CAMK1D: variants seen among roughly 807,000 people sequenced by gnomAD.
The protein encoded by CAMK1D is calcium/calmodulin-dependent protein kinase type 1D.
Under a neutral mutation model 47.7 loss-of-function variants are expected in CAMK1D, and 9 were observed. The ratio of observed to expected loss-of-function variants is 0.19; its 90% CI spans 0.11 to 0.33. The LOEUF (loss-of-function observed/expected upper bound fraction) is 0.33, where lower values mean the gene tolerates loss of function less well. CAMK1D is among the 10% of genes least tolerant of loss of function. CAMK1D has a pLI of 1.00. For missense variants in CAMK1D, 291 were observed against 488.7 expected (o/e 0.60, Z 3.81); for synonymous variants, 184 against 184.9 (o/e 0.99, Z 0.04).
chr10:12,525,517 AT>A (rs1225992726), intron 1 of CAMK1D, among the ~76,000 whole-genome samples: 1 of 152,088 alleles, frequency 6.6e-6, no homozygotes, highest in Non-Finnish European at 1.5e-5. Context: ...CATCTAGTGA[AT>A]TTTTAAAAAA....
chr10:12,707,831 C>T (rs919805675), intron 3 of CAMK1D, among the ~76,000 whole-genome samples: 44 of 152,316 alleles, frequency 2.9e-4, no homozygotes, highest in Middle Eastern at 3.4e-3. Flanking sequence ...TCAGAGCCTA[C>T]GTTCATAGCT....
intron 1 of CAMK1D, among the ~76,000 whole-genome samples, chr10:12,534,565 C>A (rs1835909566): frequency 6.6e-6 from 1 of 152,218 alleles, no homozygotes; most frequent in South Asian, 2.1e-4. Flanking sequence ...TGGGCTTTCA[C>A]CATGCTGGCC....
At chr10:12,689,033 A>T (rs1203830598) in intron 3 of CAMK1D, among the ~76,000 whole-genome samples, 1 of 152,230 alleles carries the variant, frequency 6.6e-6, no homozygotes, top group Non-Finnish European at 1.5e-5. Context: ...GGGAGAAAAT[A>T]TTAAGTTCCC....
chr10:12,741,879 T>A (rs1299760058), intron 3 of CAMK1D, among the ~76,000 whole-genome samples: 1 of 152,096 alleles, frequency 6.6e-6, no homozygotes, highest in African/African-American at 2.4e-5. Context: ...GGATGGACAT[T>A]TACATCCTCT....
chr10:12,673,631 G>T (rs1014078662), intron 3 of CAMK1D, among the ~76,000 whole-genome samples: 8 of 152,112 alleles, frequency 5.3e-5, no homozygotes, highest in Non-Finnish European at 1.2e-4. Flanking sequence ...AACTTTGATA[G>T]TTTAGTTCTA....
chr10:12,690,537 C>T (rs1832837156), intron 3 of CAMK1D, among the ~76,000 whole-genome samples: 1 of 152,130 alleles, frequency 6.6e-6, no homozygotes, highest in Admixed American at 6.5e-5. Context: ...ATATATGTAA[C>T]ACACATCTCA....
At chr10:12,793,086 A>T (rs2482038) in intron 6 of CAMK1D, among the ~76,000 whole-genome samples, 36 of 151,618 alleles carry the variant, frequency 2.4e-4, no homozygotes, top group Non-Finnish European at 2.8e-4. Flanking sequence ...CTGGCTCTCT[A>T]AGTCCTCAAT....
intron 1 of CAMK1D, among the ~76,000 whole-genome samples, chr10:12,429,883 A>T (rs1276977332): frequency 1.3e-5 from 2 of 152,116 alleles, no homozygotes; most frequent in Non-Finnish European, 2.9e-5. Context: ...GAATGTTTGC[A>T]TTAATGTACT....
At chr10:12,716,819 G>C (rs1834156353) in intron 3 of CAMK1D, among the ~76,000 whole-genome samples, 1 of 152,264 alleles carries the variant, frequency 6.6e-6, no homozygotes, top group South Asian at 2.1e-4. Flanking sequence ...TGCAATTCGT[G>C]ATGGGAGTAG....
At position 12,476,279 on chromosome 10, in the gene CAMK1D, G is replaced by A. The variant is rs561137359; in HGVS notation, c.93-76946G>A. Among the ~76,000 whole-genome samples the A allele has an allele frequency of 3.3e-5, 5 of 151,756 alleles. No individual in the cohort carries two copies. The South Asian group carries it at 6.2e-4, about 19-fold the overall frequency. On this transcript the variant is annotated intron_variant, in intron 1 of 10. Coordinates refer to ENST00000619168, the MANE Select transcript of CAMK1D (RefSeq NM_153498.4). ...CGCACTCTAGCCTGGGCAACAGAAC[G>A]AGACTCTGTTTCAAAAAAAAAAAGA...
intron 2 of CAMK1D, among the ~76,000 whole-genome samples, chr10:12,641,826 G>A (rs1325543371): frequency 6.6e-6 from 1 of 151,818 alleles, no homozygotes; most frequent in Non-Finnish European, 1.5e-5. Context: ...GGGCAGATCA[G>A]TTGAGGCCAG....
At chr10:12,719,530 G>A (rs1834290566) in intron 3 of CAMK1D, among the ~76,000 whole-genome samples, 1 of 152,238 alleles carries the variant, frequency 6.6e-6, no homozygotes, top group South Asian at 2.1e-4. Flanking sequence ...CCTGGCGCCT[G>A]TGGGCAGGGG....
chr10:12,476,828 C>T (rs1195590771), intron 1 of CAMK1D, among the ~76,000 whole-genome samples: 1 of 152,174 alleles, frequency 6.6e-6, no homozygotes, highest in East Asian at 1.9e-4. Context: ...CTCAGCAGGC[C>T]TGCCCATCTG....
intron 1 of CAMK1D, among the ~76,000 whole-genome samples, chr10:12,545,789 G>A (rs1836349760): frequency 6.6e-6 from 1 of 151,792 alleles, no homozygotes. Context: ...GACAGAGCGA[G>A]ACTCCGTCTC....
At chr10:12,353,811 G>A (rs2131830572) in intron 1 of CAMK1D, among the ~76,000 whole-genome samples, 1 of 152,230 alleles carries the variant, frequency 6.6e-6, no homozygotes, top group South Asian at 2.1e-4. Flanking sequence ...CACACTATGA[G>A]AACAAATAAA....
intron 1 of CAMK1D, among the ~76,000 whole-genome samples, chr10:12,477,297 T>C (rs1405750120): frequency 1.3e-5 from 2 of 152,186 alleles, no homozygotes; most frequent in African/African-American, 2.4e-5. Context: ...ACACCTGTAA[T>C]GCCAGCTACT....
intron 3 of CAMK1D, among the ~76,000 whole-genome samples, chr10:12,704,324 T>C (rs956180141): frequency 3.3e-5 from 5 of 152,214 alleles, no homozygotes; most frequent in Admixed American, 2.0e-4. Flanking sequence ...ATTGCTGGAA[T>C]AGAAATACGA....
At chr10:12,766,353 G>T in intron 4 of CAMK1D, among the ~76,000 whole-genome samples, 1 of 112,262 alleles carries the variant, frequency 8.9e-6, no homozygotes. Context: ...GCCCCACGTT[G>T]CCTGTTTCTT....
At chr10:12,505,056 T>C (rs1210706079) in intron 1 of CAMK1D, among the ~76,000 whole-genome samples, 3 of 150,920 alleles carry the variant, frequency 2.0e-5, no homozygotes. Context: ...ACCATCATCA[T>C]TTTGTTTTAG....
Sources: gnomAD v4.1 joint callset for allele counts (sites outside exome capture counted in the v4.1 genomes callset) on GRCh38, gnomAD v4.1.1 for gene constraint, MANE v1.5 for transcripts, NCBI Gene and HGNC (gene_info 2026-07-23, HGNC 2026-07-21) for gene names.